PTPRR: variants seen among roughly 807,000 people sequenced by gnomAD.
The protein encoded by PTPRR is receptor-type tyrosine-protein phosphatase R.
Under a neutral mutation model 77.2 loss-of-function variants are expected in PTPRR, and 38 were observed. That is an observed-to-expected ratio of 0.49 (90% confidence interval 0.38 to 0.65). The LOEUF (loss-of-function observed/expected upper bound fraction) is 0.65, where lower values mean the gene tolerates loss of function less well. PTPRR is among the 30% of genes least tolerant of loss of function. The pLI, the probability that PTPRR is intolerant of heterozygous loss-of-function variation, is 0.00. For missense variants in PTPRR, 744 were observed against 799.2 expected, an observed-to-expected ratio of 0.93 and a Z score of 0.83; for synonymous variants, 299 against 283.1, an observed-to-expected ratio of 1.06 and a Z score of -0.57.
rs140347007 is a variant in PTPRR, at chr12:70,681,409, C to T, written c.1497+2718G>A. The stretch of plus-strand genomic sequence containing the variant: ...CTGGACTCAGGGTCTGTAGAAACTG[C>T]AGGATTCTCAGCAACAAAGAGTGCA... On this transcript the variant is annotated intron_variant, in intron 10 of 13. Coordinates refer to ENST00000283228, the MANE Select transcript of PTPRR (RefSeq NM_002849.4). Among the ~76,000 whole-genome samples, 642 of 152,310 alleles carry T rather than the reference C, an allele frequency of 4.2e-3. 3 individuals are homozygous for T. The highest frequency in any genetic ancestry group is 0.015 in the African/African-American group (621 of 41,556).
At chr12:70,826,589 T>C (rs1423350059) in intron 2 of PTPRR, among the ~76,000 whole-genome samples, 1 of 152,194 alleles carries the variant, frequency 6.6e-6, no homozygotes, top group Non-Finnish European at 1.5e-5. Flanking sequence ...ACAGTTCTAA[T>C]CTAAAATATT....
Position 70,799,807 on chromosome 12 carries a change from T to C in PTPRR, c.358-35029A>G, listed in dbSNP as rs552147400. Among the ~76,000 whole-genome samples the C allele has an allele frequency of 1.8e-4, 28 of 152,268 alleles. No homozygotes were observed. In the South Asian group the frequency reaches 5.6e-3, roughly 30 times the overall value. ...AATTTACAGCATCCACAATAATCCA[T>C]GCCACAAACACTTTGTCAGGTAGCA... On this transcript the variant is annotated intron_variant, in intron 2 of 13. Transcript: ENST00000283228.
At chr12:70,660,553 T>C (rs1886760456) in intron 12 of PTPRR, among the ~76,000 whole-genome samples, 1 of 152,238 alleles carries the variant, frequency 6.6e-6, no homozygotes, top group African/African-American at 2.4e-5. Flanking sequence ...TCACATGTCA[T>C]GTTGAAACAA....
intron 2 of PTPRR, among the ~76,000 whole-genome samples, chr12:70,826,131 AAAG>A (rs1375781540): frequency 6.6e-6 from 1 of 152,168 alleles, no homozygotes; most frequent in South Asian, 2.1e-4. Context: ...GAAGGGAGAG[AAAG>A]AAGGAGGATA....
intron 2 of PTPRR, among the ~76,000 whole-genome samples, chr12:70,864,669 C>CA (rs1318508054): frequency 2.0e-5 from 3 of 152,274 alleles, no homozygotes; most frequent in East Asian, 3.9e-4. Flanking sequence ...GTGTCCCCAC[C>CA]AAAATCTCAT....
At chr12:70,655,032 T>C (rs74101521) in intron 13 of PTPRR, among the ~76,000 whole-genome samples, 1,784 of 152,346 alleles carry the variant, frequency 0.012, 34 homozygotes, top group African/African-American at 0.04. Context: ...TGAAGCAGCA[T>C]CTGTCCACTT....
At chr12:70,796,428 A>G (rs1388901729) in intron 2 of PTPRR, among the ~76,000 whole-genome samples, 1 of 152,124 alleles carries the variant, frequency 6.6e-6, no homozygotes, top group Non-Finnish European at 1.5e-5. Context: ...GCCAATTAGC[A>G]CCTTTAAGAC....
intron 13 of PTPRR, among the ~76,000 whole-genome samples, chr12:70,648,761 C>T (rs894405000): frequency 2.0e-5 from 3 of 152,092 alleles, no homozygotes; most frequent in Admixed American, 2.0e-4. Context: ...GCCATACCAC[C>T]CACTTCATCT....
At chr12:70,754,560 C>T in intron 4 of PTPRR, 2 of 1,596,078 alleles carry the variant, frequency 1.3e-6, no homozygotes, top group Non-Finnish European at 1.7e-6. Context: ...TCTAAACATC[C>T]CTCAGCGTCT....
intron 1 of PTPRR, among the ~76,000 whole-genome samples, chr12:70,905,115 AGG>A (rs1429333577): frequency 2.0e-5 from 3 of 151,888 alleles, no homozygotes; most frequent in Admixed American, 2.0e-4. Flanking sequence ...GTACAGGCAG[AGG>A]AATGAGCCTT....
intron 1 of PTPRR, among the ~76,000 whole-genome samples, chr12:70,902,129 G>A (rs749922510): frequency 2.0e-5 from 3 of 151,588 alleles, no homozygotes; most frequent in Non-Finnish European, 4.4e-5. Flanking sequence ...CACCTTACTC[G>A]TGCAAGAATG....
chr12:70,652,991 T>C (rs1886451509), intron 13 of PTPRR, among the ~76,000 whole-genome samples: 1 of 152,306 alleles, frequency 6.6e-6, no homozygotes, highest in Non-Finnish European at 1.5e-5. Flanking sequence ...CAGCACGTTC[T>C]TCCAAATAGG....
At chr12:70,782,668 T>C (rs2136999625) in intron 2 of PTPRR, among the ~76,000 whole-genome samples, 1 of 150,660 alleles carries the variant, frequency 6.6e-6, no homozygotes, top group African/African-American at 2.4e-5. Context: ...AAGGGAAACA[T>C]CACACACCGG....
At chr12:70,848,643 T>C (rs1231455738) in intron 2 of PTPRR, among the ~76,000 whole-genome samples, 2 of 152,184 alleles carry the variant, frequency 1.3e-5, no homozygotes, top group South Asian at 4.1e-4. Context: ...TATTAAATTG[T>C]AATGATCAGA....
chr12:70,719,608 C>T lies in PTPRR; in HGVS notation c.1008-18285G>A, dbSNP rs529007708. Reference sequence around the variant, plus strand: ...CTTAAATACTGAAAGAATTGCTTGCCTCTACAACAAATCTGTATCATTACT... The same window carrying T: ...CTTAAATACTGAAAGAATTGCTTGCTTCTACAACAAATCTGTATCATTACT... On this transcript the variant is annotated intron_variant, in intron 6 of 13. Transcript: ENST00000283228. Among the ~76,000 whole-genome samples, 34 of 152,128 alleles carry T rather than the reference C, an allele frequency of 2.2e-4. No homozygotes were observed. The South Asian group carries it at 6.2e-3, about 28-fold the overall frequency.
chr12:70,771,268 C>A (rs562528155), intron 2 of PTPRR, among the ~76,000 whole-genome samples: 2 of 152,038 alleles, frequency 1.3e-5, no homozygotes, highest in African/African-American at 4.8e-5. Context: ...TGCAGCCAGA[C>A]CATTATCCCA....
rs79611471 is a variant in PTPRR at position 70,809,845 on chromosome 12, G to A, written c.358-45067C>T. Reference sequence around the variant, plus strand: ...CACTAAATAAACATTATGTAAAGTCGTACTTTTAAAAACGATATTCTGTGA... The same window carrying A: ...CACTAAATAAACATTATGTAAAGTCATACTTTTAAAAACGATATTCTGTGA... On this transcript the variant is annotated intron_variant, in intron 2 of 13. Coordinates refer to ENST00000283228, the MANE Select transcript of PTPRR (RefSeq NM_002849.4). Among the ~76,000 whole-genome samples, 1,219 of 152,210 alleles carry A rather than the reference G, an allele frequency of 8.0e-3. 7 individuals carry two copies. Among genetic ancestry groups the A allele is most frequent in the South Asian group, 0.018 (85 of 4,826 alleles).
At chr12:70,656,055 A>T (rs1369551321) in intron 13 of PTPRR, among the ~76,000 whole-genome samples, 2 of 152,080 alleles carry the variant, frequency 1.3e-5, no homozygotes, top group Non-Finnish European at 2.9e-5. Flanking sequence ...CTACAAAAAA[A>T]AAAATTACAA....
intron 2 of PTPRR, among the ~76,000 whole-genome samples, chr12:70,806,123 C>G (rs1891705471): frequency 6.6e-6 from 1 of 152,170 alleles, no homozygotes; most frequent in Non-Finnish European, 1.5e-5. Context: ...ACAGATGTGT[C>G]TTCAGGAGGG....
Sources: gnomAD v4.1 joint callset for allele counts (sites outside exome capture counted in the v4.1 genomes callset) on GRCh38, gnomAD v4.1.1 for gene constraint, MANE v1.5 for transcripts, NCBI Gene and HGNC (gene_info 2026-07-23, HGNC 2026-07-21) for gene names.